Variants in LRRC7 observed in about 807,000 individuals in gnomAD.
LRRC7 encodes leucine rich repeat containing 7, also known as leucine-rich repeat-containing protein 7.
A neutral mutation model predicts 175.7 loss-of-function variants in LRRC7; 23 were observed. The observed-to-expected ratio is 0.13, with a 90% CI of 0.09 to 0.19. The LOEUF (loss-of-function observed/expected upper bound fraction) is 0.19, where lower values mean the gene tolerates loss of function less well. Among genes scored for constraint, LRRC7 ranks in the 10% least tolerant of loss-of-function variants. The pLI is 1.00. For synonymous variants in LRRC7, 685 were observed against 680.9 expected, an observed-to-expected ratio of 1.01 and a Z score of -0.09; for missense variants, 1,354 against 1,904.7, an observed-to-expected ratio of 0.71 and a Z score of 5.38.
intron 7 of LRRC7, among the ~76,000 whole-genome samples, chr1:69,849,622 T>G (rs1210089105): frequency 1.3e-5 from 2 of 151,994 alleles, no homozygotes; most frequent in African/African-American, 4.8e-5. Context: ...AAGCTTTACT[T>G]TAGAGAGAAT....
In LRRC7 at chr1:70,133,086, CTT is replaced by C. The variant is rs753988664; in HGVS notation, c.*11202_*11203del. 6.6e-6 allele frequency among the ~76,000 whole-genome samples: 1 copy of C among 152,144 alleles called. No individual in the cohort carries two copies. The highest frequency in any genetic ancestry group is 1.5e-5 in the Non-Finnish European group (1 of 68,030). On this transcript the variant is annotated 3_prime_UTR_variant, in exon 27 of 27. Transcript: ENST00000651989. ...ATTTAGTTGTACACATCCGCATACT[CTT>C]TTAAAGAAACATGTGTCTGCAGTTC...
At chr1:69,611,907 T>C (rs1648811452) in intron 1 of LRRC7, among the ~76,000 whole-genome samples, 1 of 152,052 alleles carries the variant, frequency 6.6e-6, no homozygotes. Context: ...CTCAAATATT[T>C]TACCATTTTC....
intron 17 of LRRC7, among the ~76,000 whole-genome samples, chr1:70,024,980 T>C (rs914073566): frequency 1.3e-5 from 2 of 152,094 alleles, no homozygotes; most frequent in African/African-American, 4.8e-5. Flanking sequence ...ATTCACATTT[T>C]AAACTTACAG....
At chr1:69,664,600 CTCT>C (rs751495703) in intron 1 of LRRC7, among the ~76,000 whole-genome samples, 36 of 152,076 alleles carry the variant, frequency 2.4e-4, no homozygotes, top group Non-Finnish European at 4.7e-4. Flanking sequence ...CCTTTTGTAT[CTCT>C]TCTTTTGAGA....
intron 7 of LRRC7, among the ~76,000 whole-genome samples, chr1:69,913,879 A>T (rs1646608107): frequency 6.6e-6 from 1 of 152,180 alleles, no homozygotes; most frequent in African/African-American, 2.4e-5. Flanking sequence ...TGCTGTAAAG[A>T]GCAATTTATT....
At chr1:69,832,724 TA>T (rs1570218190) in intron 5 of LRRC7, among the ~76,000 whole-genome samples, 1 of 152,162 alleles carries the variant, frequency 6.6e-6, no homozygotes, top group Non-Finnish European at 1.5e-5. Flanking sequence ...TCTAAGGATA[TA>T]ACTTAAGTAA....
chr1:69,907,406 A>G (rs1414244778), intron 7 of LRRC7, among the ~76,000 whole-genome samples: 2 of 152,108 alleles, frequency 1.3e-5, no homozygotes, highest in Non-Finnish European at 2.9e-5. Context: ...TTTGTCATAG[A>G]TAGCTCTTAT....
chr1:69,791,894 T>A, intron 3 of LRRC7, 149 bp from the exon 4 acceptor site: 1 of 513,248 alleles, frequency 1.9e-6, no homozygotes. Flanking sequence ...CAGAAACAAT[T>A]GAGAAGATGA....
intron 22 of LRRC7, among the ~76,000 whole-genome samples, chr1:70,045,528 C>A (rs1660258360): frequency 6.6e-6 from 1 of 152,092 alleles, no homozygotes; most frequent in South Asian, 2.1e-4. Context: ...ATCCTCTTCC[C>A]TAAAACAAAA....
intron 2 of LRRC7, among the ~76,000 whole-genome samples, chr1:69,736,627 A>ATG (rs1448758610): frequency 1.3e-5 from 2 of 152,192 alleles, no homozygotes; most frequent in South Asian, 2.1e-4. Context: ...TTTAATATAA[A>ATG]TGTGTGTGTG....
chr1:70,038,080 CT>C (rs1483407998), intron 20 of LRRC7, 32 bp from the exon 21 acceptor site: 2 of 1,555,388 alleles, frequency 1.3e-6, no homozygotes, highest in East Asian at 4.5e-5. Context: ...ACTCTTCGTC[CT>C]TTTCAATTTC....
intron 1 of LRRC7, among the ~76,000 whole-genome samples, chr1:69,670,432 G>C (rs1438862892): frequency 6.6e-6 from 1 of 152,086 alleles, no homozygotes; most frequent in African/African-American, 2.4e-5. Flanking sequence ...GCTGTGGGTG[G>C]GATGATACCA....
chr1:70,097,642 T>C (rs1363104000), intron 25 of LRRC7, among the ~76,000 whole-genome samples: 2 of 133,098 alleles, frequency 1.5e-5, no homozygotes, highest in Non-Finnish European at 3.1e-5. Context: ...CCCCAGAGTG[T>C]GATGTTCCCC....
intron 23 of LRRC7, among the ~76,000 whole-genome samples, chr1:70,075,605 T>TTTC (rs1195773930): frequency 6.6e-6 from 1 of 152,232 alleles, no homozygotes; most frequent in Non-Finnish European, 1.5e-5. Flanking sequence ...ATAATGGTGA[T>TTTC]AATTGATAAA....
At chr1:69,889,291 A>G (rs1645758564) in intron 7 of LRRC7, among the ~76,000 whole-genome samples, 1 of 152,134 alleles carries the variant, frequency 6.6e-6, no homozygotes, top group African/African-American at 2.4e-5. Flanking sequence ...TTCATGAAAG[A>G]TTTCTCTAGA....
chr1:69,801,994 T>C (rs1414323722), intron 4 of LRRC7, among the ~76,000 whole-genome samples: 2 of 151,320 alleles, frequency 1.3e-5, no homozygotes, highest in African/African-American at 4.8e-5. Context: ...TGTTCAGGGG[T>C]ATATTGTTTA....
chr1:69,606,474 G>GA (rs1647600660), intron 1 of LRRC7, among the ~76,000 whole-genome samples: 1 of 151,576 alleles, frequency 6.6e-6, no homozygotes, highest in African/African-American at 2.4e-5. Context: ...TCCTACCAAA[G>GA]AAAAAAATAA....
intron 7 of LRRC7, among the ~76,000 whole-genome samples, chr1:69,927,225 C>G (rs1647107724): frequency 6.6e-6 from 1 of 152,214 alleles, no homozygotes; most frequent in Non-Finnish European, 1.5e-5. Flanking sequence ...ACCTTTCTCT[C>G]TGGCTGCCCT....
At chr1:70,015,530 G>A (rs377033951) in intron 13 of LRRC7, among the ~76,000 whole-genome samples, 16 of 152,106 alleles carry the variant, frequency 1.1e-4, no homozygotes, top group East Asian at 7.7e-4. Flanking sequence ...ATATCCAGAA[G>A]TTAGTAATAA....
Sources: allele counts gnomAD v4.1 joint callset (sites outside exome capture counted in the v4.1 genomes callset), GRCh38; gene constraint gnomAD v4.1.1; transcripts MANE v1.5; gene names NCBI Gene and HGNC (gene_info 2026-07-23, HGNC 2026-07-21).